Variants in HCN1 observed in about 807,000 individuals in gnomAD.
HCN1 encodes hyperpolarization activated cyclic nucleotide gated potassium channel 1, also known as potassium/sodium hyperpolarization-activated cyclic nucleotide-gated channel 1.
Under a neutral mutation model 78.9 loss-of-function variants are expected in HCN1, and 13 were observed. The ratio of observed to expected loss-of-function variants is 0.16; its 90% confidence interval spans 0.11 to 0.26. The LOEUF is 0.26. Ranked by LOEUF, HCN1 falls within the 10% of genes least tolerant of loss-of-function variation. HCN1 has a pLI of 1.00. For missense variants in HCN1, 810 were observed against 1,154.3 expected (o/e 0.70, Z 4.32); for synonymous variants, 552 against 455.5 (o/e 1.21, Z -2.70).
chr5:45,262,847 A>G (rs1045205893), intron 7 of HCN1, 37 bp from the exon 8 acceptor site: 1 of 1,610,216 alleles, frequency 6.2e-7, no homozygotes, highest in Non-Finnish European at 8.5e-7. Context: ...TAGAAAGCCT[A>G]CCAATGACTG....
At chr5:45,531,930 C>T (rs1462702432) in intron 2 of HCN1, among the ~76,000 whole-genome samples, 1 of 152,064 alleles carries the variant, frequency 6.6e-6, no homozygotes, top group Non-Finnish European at 1.5e-5. Context: ...GTCCCAGCTA[C>T]GCAGGAGGCT....
intron 4 of HCN1, among the ~76,000 whole-genome samples, chr5:45,392,653 A>G (rs535165204): frequency 6.6e-6 from 1 of 152,126 alleles, no homozygotes; most frequent in African/African-American, 2.4e-5. Context: ...CCTGGCCAAC[A>G]TGGTGAAACC....
intron 2 of HCN1, among the ~76,000 whole-genome samples, chr5:45,604,742 T>A (rs915934366): frequency 6.6e-6 from 1 of 151,936 alleles, no homozygotes; most frequent in African/African-American, 2.4e-5. Context: ...GAAAGAGCAG[T>A]AACAACAAAA....
chr5:45,313,847 C>G (rs778180283), intron 5 of HCN1, among the ~76,000 whole-genome samples: 36 of 152,224 alleles, frequency 2.4e-4, no homozygotes, highest in Admixed American at 5.9e-4. Context: ...AACAAAGCCT[C>G]CAAGAAATAT....
intron 2 of HCN1, chr5:45,559,096 A>T (rs1404197285): frequency 6.6e-6 from 1 of 151,538 alleles, no homozygotes; most frequent in East Asian, 1.9e-4. Context: ...GGTTTGCTGC[A>T]TATTTTAAGC....
chr5:45,270,313 G>C (rs1415040572), intron 6 of HCN1, among the ~76,000 whole-genome samples: 2 of 152,148 alleles, frequency 1.3e-5, no homozygotes, highest in Admixed American at 6.5e-5. Context: ...TGCATCATGT[G>C]GCCAGCCTTA....
intron 2 of HCN1, among the ~76,000 whole-genome samples, chr5:45,534,573 C>A (rs1742928192): frequency 6.6e-6 from 1 of 151,136 alleles, no homozygotes; most frequent in South Asian, 2.1e-4. Context: ...TGTCAAAGAC[C>A]AATTGTTAAG....
intron 2 of HCN1, among the ~76,000 whole-genome samples, chr5:45,622,826 T>C (rs1745094691): frequency 6.6e-6 from 1 of 152,194 alleles, no homozygotes; most frequent in South Asian, 2.1e-4. Context: ...GGTTATACAA[T>C]TAATACCTAT....
intron 4 of HCN1, among the ~76,000 whole-genome samples, chr5:45,370,998 T>A (rs1168787485): frequency 6.6e-6 from 1 of 152,026 alleles, no homozygotes; most frequent in African/African-American, 2.4e-5. Flanking sequence ...GAGAAAAATA[T>A]ATCAAAGCTA....
chr5:45,621,304 C>A (rs181823458), intron 2 of HCN1, among the ~76,000 whole-genome samples: 29 of 147,264 alleles, frequency 2.0e-4, no homozygotes, highest in African/African-American at 6.6e-4. Flanking sequence ...AGGTAATTCT[C>A]ATAATTGTTC....
At chr5:45,480,395 A>AT (rs960222000) in intron 2 of HCN1, among the ~76,000 whole-genome samples, 2 of 152,146 alleles carry the variant, frequency 1.3e-5, no homozygotes, top group Non-Finnish European at 2.9e-5. Flanking sequence ...TTTAATACAT[A>AT]TTTTTTAAAT....
intron 4 of HCN1, among the ~76,000 whole-genome samples, chr5:45,358,574 C>G (rs1415151155): frequency 6.6e-6 from 1 of 152,102 alleles, no homozygotes; most frequent in Admixed American, 6.6e-5. Context: ...TCCTCCAACT[C>G]TAACTCATTT....
intron 4 of HCN1, among the ~76,000 whole-genome samples, chr5:45,371,736 G>C (rs1747366335): frequency 6.9e-6 from 1 of 145,532 alleles, no homozygotes; most frequent in Non-Finnish European, 1.5e-5. Context: ...CAGCCTGGGT[G>C]ACAGTGAGAG....
In HCN1 at chr5:45,645,307, T is replaced by C. The variant is rs1745528879; in HGVS notation, c.727A>G (p.Met243Val). The C allele has an allele frequency of 1.9e-6, 3 of 1,613,584 alleles. No homozygotes were observed. Among genetic ancestry groups the C allele is most frequent in the Non-Finnish European group, 2.5e-6 (3 of 1,179,760 alleles). The change falls in exon 2 of 8, where the codon ATG becomes GTG. Residue 243 changes from methionine (M) to valine (V), a missense_variant. Physicochemically the swap from Met to Val is conservative, Grantham distance 21. Coordinates refer to ENST00000303230, the MANE Select transcript of HCN1 (RefSeq NM_021072.4). ...DYIFLIVEKG[M>V]DSEVYKTARA... Reference sequence around the variant, plus strand: ...GCTGTCTTGTAAACTTCAGAATCCATTCCTTTTTCTACAATAAGAAAGATA... The same window carrying C: ...GCTGTCTTGTAAACTTCAGAATCCACTCCTTTTTCTACAATAAGAAAGATA...
At chr5:45,459,216 C>A (rs951976657) in intron 3 of HCN1, among the ~76,000 whole-genome samples, 4 of 151,164 alleles carry the variant, frequency 2.6e-5, no homozygotes, top group Admixed American at 1.3e-4. Flanking sequence ...CCAGCCTTGG[C>A]GACATAGCAA....
Position 45,389,000 on chromosome 5 carries a change from C to G in HCN1, c.1230+7492G>C, listed in dbSNP as rs767292662. ...GCCTTCCTTTAATCTATTATACACA[C>G]TGTTGATTAACATTTTTTAAAAATG... On this transcript the variant is annotated intron_variant, in intron 4 of 7. Transcript: ENST00000303230. Among the ~76,000 whole-genome samples the G allele has an allele frequency of 1.2e-4, 19 of 152,246 alleles. 1 individual carries two copies. The Middle Eastern group carries it at 0.02, about 164-fold the overall frequency.
intron 2 of HCN1, among the ~76,000 whole-genome samples, chr5:45,624,055 G>C (rs1005563093): frequency 6.6e-6 from 1 of 152,182 alleles, no homozygotes; most frequent in Non-Finnish European, 1.5e-5. Flanking sequence ...AGTGTGGCTA[G>C]AGGAAATAAA....
chr5:45,681,239 G>A (rs1469605103), intron 1 of HCN1, among the ~76,000 whole-genome samples: 2 of 152,070 alleles, frequency 1.3e-5, no homozygotes, highest in African/African-American at 4.8e-5. Flanking sequence ...TCTTGCAGTT[G>A]TTGAAGGTTT....
At chr5:45,325,928 A>C (rs896340544) in intron 5 of HCN1, among the ~76,000 whole-genome samples, 7 of 151,738 alleles carry the variant, frequency 4.6e-5, no homozygotes, top group Non-Finnish European at 1.0e-4. Flanking sequence ...ATTAAATTAC[A>C]GGGGTAAAAA....
Sources: allele counts gnomAD v4.1 joint callset (sites outside exome capture counted in the v4.1 genomes callset), GRCh38; gene constraint gnomAD v4.1.1; transcripts MANE v1.5; gene names NCBI Gene and HGNC (gene_info 2026-07-23, HGNC 2026-07-21).